Variants in C12orf42 observed in about 807,000 individuals in gnomAD.
C12orf42 encodes the protein uncharacterized protein C12orf42.
C12orf42 carries 25 observed loss-of-function variants against 21.6 expected under a neutral mutation model. That is an observed-to-expected ratio of 1.16 (90% CI 0.84 to 1.62). The LOEUF is 1.62. Ranked by LOEUF, C12orf42 falls within the 40% of genes most tolerant of loss-of-function variation. C12orf42 has a pLI of 0.00. For missense variants in C12orf42, 483 were observed against 459.3 expected, an observed-to-expected ratio of 1.05 and a Z score of -0.47; for synonymous variants, 174 against 175.0, an observed-to-expected ratio of 0.99 and a Z score of 0.05.
the C12orf42 span, among the ~76,000 whole-genome samples, chr12:103,192,115 G>A: frequency 2.0e-5 from 3 of 151,864 alleles, no homozygotes; most frequent in African/African-American, 7.2e-5. Flanking sequence ...AATAACAATA[G>A]TAAGTAGCTA....
Position 103,368,168 on chromosome 12 carries a change from G to C in C12orf42, c.259+719C>G. Reference sequence around the variant, plus strand: ...AAATCATCTATGGTGACAATGTTATGGGGAATATAACTAATACAATTATAT... The same window carrying C: ...AAATCATCTATGGTGACAATGTTATCGGGAATATAACTAATACAATTATAT... On this transcript the variant is annotated intron_variant, in intron 4 of 5. Transcript: ENST00000548883. 9.2e-6 allele frequency: 6 copies of C among 655,300 alleles called. 1 individual carries two copies. The highest frequency in any genetic ancestry group is 8.8e-5 in the South Asian group (6 of 67,908). 40.6% of individuals were successfully genotyped at this position (655,300 alleles called of 1,614,324 possible). A position where few individuals can be genotyped will look rare whatever the true frequency, so the allele number is the denominator to read the frequency against.
At chr12:103,425,022 A>G (rs1276287126) in intron 2 of C12orf42, among the ~76,000 whole-genome samples, 8 of 152,112 alleles carry the variant, frequency 5.3e-5, no homozygotes, top group Non-Finnish European at 1.0e-4. Flanking sequence ...GTCATTACTG[A>G]GGCTTGAGTA....
chr12:103,132,977 A>G, the C12orf42 span, among the ~76,000 whole-genome samples: 17 of 152,266 alleles, frequency 1.1e-4, no homozygotes, highest in African/African-American at 4.1e-4. Context: ...CTACCATAGT[A>G]AGTGCCTGCA....
At chr12:103,310,590 G>A (rs1355467527) in intron 4 of C12orf42, among the ~76,000 whole-genome samples, 1 of 152,152 alleles carries the variant, frequency 6.6e-6, no homozygotes, top group Non-Finnish European at 1.5e-5. Context: ...CCTTGTAAAG[G>A]CCACGCTATC....
intron 4 of C12orf42, among the ~76,000 whole-genome samples, chr12:103,322,743 A>G (rs2040306612): frequency 6.6e-6 from 1 of 152,194 alleles, no homozygotes; most frequent in South Asian, 2.1e-4. Flanking sequence ...CACCACCACA[A>G]ATGTCCAAAT....
At chr12:103,342,370 T>G (rs1282731949) in intron 4 of C12orf42, among the ~76,000 whole-genome samples, 3 of 152,174 alleles carry the variant, frequency 2.0e-5, no homozygotes, top group Non-Finnish European at 4.4e-5. Flanking sequence ...GATGCCTTCT[T>G]GGGTCCCATT....
intron 4 of C12orf42, among the ~76,000 whole-genome samples, chr12:103,348,311 G>A (rs1055401172): frequency 2.0e-5 from 3 of 152,168 alleles, no homozygotes; most frequent in African/African-American, 7.2e-5. Context: ...CTTATAATTC[G>A]TGAGTACCGG....
At chr12:103,054,143 A>T in the C12orf42 span, among the ~76,000 whole-genome samples, 2 of 151,880 alleles carry the variant, frequency 1.3e-5, no homozygotes, top group Non-Finnish European at 2.9e-5. Context: ...GGATTTTGAT[A>T]GTGATTGCAT....
At chr12:103,182,714 CA>C in the C12orf42 span, among the ~76,000 whole-genome samples, 5 of 152,064 alleles carry the variant, frequency 3.3e-5, no homozygotes, top group East Asian at 3.9e-4. Flanking sequence ...AGAAATAATA[CA>C]AAAAAACACT....
chr12:103,369,978 C>T (rs537721758), intron 3 of C12orf42, among the ~76,000 whole-genome samples: 7 of 152,084 alleles, frequency 4.6e-5, no homozygotes, highest in Non-Finnish European at 1.5e-5. Flanking sequence ...GCAAACTATG[C>T]TTCCAACAAT....
the C12orf42 span, among the ~76,000 whole-genome samples, chr12:103,553,369 C>T: frequency 1.3e-5 from 2 of 152,086 alleles, no homozygotes; most frequent in African/African-American, 4.8e-5. Context: ...AGTTATCCGT[C>T]CTCCCCTGGA....
At chr12:103,052,990 C>T in the C12orf42 span, among the ~76,000 whole-genome samples, 1 of 151,876 alleles carries the variant, frequency 6.6e-6, no homozygotes, top group African/African-American at 2.4e-5. Flanking sequence ...GACTCTATCC[C>T]CTTTATCTTC....
chr12:103,517,161 A>T, the C12orf42 span, among the ~76,000 whole-genome samples: 3 of 152,226 alleles, frequency 2.0e-5, no homozygotes, highest in African/African-American at 7.2e-5. Flanking sequence ...AACACAGGGA[A>T]AGAGGTGTTT....
At chr12:103,294,470 GAAAT>G (rs1313280996) in intron 4 of C12orf42, among the ~76,000 whole-genome samples, 7 of 101,888 alleles carry the variant, frequency 6.9e-5, no homozygotes, top group Admixed American at 9.1e-5. Context: ...AAGAAAGAAA[GAAAT>G]AAGCAAGCAA....
intron 2 of C12orf42, among the ~76,000 whole-genome samples, chr12:103,415,349 A>G (rs932943506): frequency 6.6e-6 from 1 of 152,160 alleles, no homozygotes; most frequent in African/African-American, 2.4e-5. Flanking sequence ...CACCCCACTG[A>G]CAGCATTAGA....
chr12:103,233,913 A>G (rs148848689), downstream of C12orf42, among the ~76,000 whole-genome samples: 1 of 152,352 alleles, frequency 6.6e-6, no homozygotes, highest in African/African-American at 2.4e-5. Context: ...GTGGGTAAGT[A>G]CAGTATTAGC....
chr12:103,194,607 A>T, the C12orf42 span, among the ~76,000 whole-genome samples: 181 of 152,266 alleles, frequency 1.2e-3, no homozygotes, highest in Non-Finnish European at 2.2e-3. Context: ...AATAAACTCA[A>T]GTGAAAAGGT....
chr12:103,110,057 G>A, the C12orf42 span, among the ~76,000 whole-genome samples: 3 of 152,104 alleles, frequency 2.0e-5, no homozygotes, highest in Non-Finnish European at 4.4e-5. Flanking sequence ...AAAAATAAAA[G>A]TCTGATGACG....
chr12:103,266,698 T>C (rs1488786854), downstream of C12orf42, among the ~76,000 whole-genome samples: 1 of 152,154 alleles, frequency 6.6e-6, no homozygotes, highest in Non-Finnish European at 1.5e-5. Flanking sequence ...AATTTGACTA[T>C]TTAAACTTTT....
Sources: gnomAD v4.1 joint callset for allele counts (sites outside exome capture counted in the v4.1 genomes callset) on GRCh38, gnomAD v4.1.1 for gene constraint, MANE v1.5 for transcripts, NCBI Gene and HGNC (gene_info 2026-07-23, HGNC 2026-07-21) for gene names.